FHIT: variants seen among roughly 807,000 people sequenced by gnomAD.
The protein encoded by FHIT is fragile histidine triad diadenosine triphosphatase.
Under a neutral mutation model 17.9 loss-of-function variants are expected in FHIT, and 19 were observed. The observed-to-expected ratio is 1.06, with a 90% CI of 0.74 to 1.56. The LOEUF (loss-of-function observed/expected upper bound fraction) is 1.56, where lower values mean the gene tolerates loss of function less well. Among genes scored for constraint, FHIT ranks in the 40% most tolerant of loss-of-function variants. The pLI is 0.00. For synonymous variants in FHIT, 81 were observed against 69.7 expected (o/e 1.16, Z -0.81); for missense variants, 248 against 189.2 (o/e 1.31, Z -1.82).
At chr3:59,785,648 A>G (rs534856857) in intron 8 of FHIT, among the ~76,000 whole-genome samples, 1 of 152,298 alleles carries the variant, frequency 6.6e-6, no homozygotes, top group East Asian at 1.9e-4. Context: ...GCATGTATTC[A>G]GGTAGAAAAA....
Position 60,614,809 on chromosome 3 carries a change from G to GTTTTTT in FHIT, c.-17-77836_-17-77831dup, listed in dbSNP as rs147892145. ...CGATTTGTAAAAAATTGCAAAAGTT[G>GTTTTTT]TTTTTTTTTTGTTTTTTTTTTGTTT... On this transcript the variant is annotated intron_variant, in intron 4 of 9. Transcript: ENST00000492590. 1.5e-4 allele frequency among the ~76,000 whole-genome samples: 12 copies of GTTTTTT among 78,210 alleles called. 1 individual carries two copies. The highest frequency in any genetic ancestry group is 1.5e-4 in the Admixed American group (1 of 6,744). 51.3% of individuals were successfully genotyped at this position (78,210 alleles called of 152,430 possible).
chr3:60,287,915 A>C (rs78030959), intron 5 of FHIT, among the ~76,000 whole-genome samples: 32 of 61,152 alleles, frequency 5.2e-4, no homozygotes, highest in Non-Finnish European at 7.0e-4. Flanking sequence ...CTACTTGACA[A>C]ATTAACCCCT....
intron 4 of FHIT, among the ~76,000 whole-genome samples, chr3:60,684,728 G>C (rs1228787850): frequency 6.6e-6 from 1 of 152,040 alleles, no homozygotes; most frequent in African/African-American, 2.4e-5. Context: ...TCACAGACTA[G>C]ATCACCAAAG....
At chr3:60,006,803 G>A (rs1254289154) in intron 7 of FHIT, among the ~76,000 whole-genome samples, 1 of 152,074 alleles carries the variant, frequency 6.6e-6, no homozygotes, top group Non-Finnish European at 1.5e-5. Flanking sequence ...GAGATAAAAT[G>A]TCCTCATTTT....
At chr3:60,747,017 AAG>A (rs1232014576) in intron 4 of FHIT, among the ~76,000 whole-genome samples, 1 of 152,104 alleles carries the variant, frequency 6.6e-6, no homozygotes, top group African/African-American at 2.4e-5. Flanking sequence ...TAACAGTAGA[AAG>A]AACTGAAAAA....
intron 1 of FHIT, among the ~76,000 whole-genome samples, chr3:61,232,653 C>A (rs2106880534): frequency 1.3e-5 from 2 of 152,216 alleles, no homozygotes; most frequent in South Asian, 4.1e-4. Flanking sequence ...TCAAATACTG[C>A]AAAGTATGCC....
chr3:60,331,519 G>A (rs1709977697), intron 5 of FHIT, among the ~76,000 whole-genome samples: 1 of 152,096 alleles, frequency 6.6e-6, no homozygotes, highest in South Asian at 2.1e-4. Context: ...GGGAAGACTT[G>A]GTAGCTTCTT....
At chr3:60,678,043 T>C (rs1437835561) in intron 4 of FHIT, among the ~76,000 whole-genome samples, 1 of 152,034 alleles carries the variant, frequency 6.6e-6, no homozygotes, top group African/African-American at 2.4e-5. Context: ...TTTATTTGGA[T>C]CTTTTCTTGG....
chr3:60,541,649 C>T (rs1244930729), intron 4 of FHIT, among the ~76,000 whole-genome samples: 1 of 152,202 alleles, frequency 6.6e-6, no homozygotes, highest in African/African-American at 2.4e-5. Context: ...AACAATGCCA[C>T]TTTCTTTCAA....
rs555578440 is a variant in FHIT, at chr3:60,282,813, A to T, written c.103+254047T>A. On this transcript the variant is annotated intron_variant, in intron 5 of 9. Coordinates refer to ENST00000492590, the MANE Select transcript of FHIT (RefSeq NM_002012.4). ...TTTTAAAAAGTACATCTTAGAAAAC[A>T]TACCTAGGATGATCTCTAGGCTCTG... Among the ~76,000 whole-genome samples, 6 of 152,276 alleles carry T rather than the reference A, an allele frequency of 3.9e-5. No homozygotes were observed. In the South Asian group the frequency reaches 1.2e-3, roughly 32 times the overall value.
intron 4 of FHIT, among the ~76,000 whole-genome samples, chr3:60,796,426 G>T (rs2108132579): frequency 6.6e-6 from 1 of 151,938 alleles, no homozygotes; most frequent in East Asian, 1.9e-4. Flanking sequence ...AAATATTCAG[G>T]TGTTAAAGGC....
At chr3:60,395,687 G>T (rs543871628) in intron 5 of FHIT, among the ~76,000 whole-genome samples, 1 of 152,282 alleles carries the variant, frequency 6.6e-6, no homozygotes, top group East Asian at 1.9e-4. Flanking sequence ...CATTTGATCA[G>T]TCAAATACTA....
At chr3:59,969,166 T>C (rs1388257832) in intron 7 of FHIT, among the ~76,000 whole-genome samples, 1 of 152,142 alleles carries the variant, frequency 6.6e-6, no homozygotes, top group Admixed American at 6.6e-5. Flanking sequence ...GTCCTCTGCA[T>C]CTAAATCCAA....
intron 3 of FHIT, among the ~76,000 whole-genome samples, chr3:60,833,575 C>A (rs1041706295): frequency 5.3e-5 from 8 of 152,084 alleles, no homozygotes; most frequent in Non-Finnish European, 1.0e-4. Flanking sequence ...TTTTAACTAA[C>A]ATTTTTTATT....
At chr3:60,320,308 C>A (rs574331034) in intron 5 of FHIT, among the ~76,000 whole-genome samples, 2 of 152,212 alleles carry the variant, frequency 1.3e-5, no homozygotes, top group Non-Finnish European at 2.9e-5. Flanking sequence ...AGGATAGCGG[C>A]AGCGTTATTG....
chr3:60,025,427 G>A (rs923785069), intron 5 of FHIT, among the ~76,000 whole-genome samples: 7 of 152,144 alleles, frequency 4.6e-5, no homozygotes, highest in Non-Finnish European at 7.4e-5. Context: ...ATTAGAAACA[G>A]GCTCAGACTT....
At chr3:60,695,525 T>C (rs1303514258) in intron 4 of FHIT, among the ~76,000 whole-genome samples, 5 of 152,176 alleles carry the variant, frequency 3.3e-5, no homozygotes, top group African/African-American at 1.2e-4. Context: ...CTTGTAGAAA[T>C]GTTATGTAAA....
chr3:59,839,331 A>G (rs1036753561), intron 8 of FHIT, among the ~76,000 whole-genome samples: 2 of 143,344 alleles, frequency 1.4e-5, no homozygotes, highest in Non-Finnish European at 3.1e-5. Context: ...AAAAAAAAAA[A>G]CAAAAAGAAA....
intron 1 of FHIT, among the ~76,000 whole-genome samples, chr3:61,249,933 A>AAC (rs71100943): frequency 0.041 from 5,224 of 125,982 alleles, 158 homozygotes; most frequent in Middle Eastern, 0.073. Context: ...AATCAATAAC[A>AAC]ACACACACAC....
Sources: allele counts gnomAD v4.1 joint callset (sites outside exome capture counted in the v4.1 genomes callset), GRCh38; gene constraint gnomAD v4.1.1; transcripts MANE v1.5; gene names NCBI Gene and HGNC (gene_info 2026-07-23, HGNC 2026-07-21).